The following ELL variants were observed in gnomAD, a reference collection of about 807,000 sequenced individuals.
ELL encodes elongation factor for RNA polymerase II, also known as RNA polymerase II elongation factor ELL.
In ELL, 18 loss-of-function variants were observed where a neutral mutation model predicts 64.0. The ratio of observed to expected loss-of-function variants is 0.28; its 90% CI spans 0.19 to 0.42. ELL has a LOEUF of 0.42. Ranked by LOEUF, ELL falls within the 10% of genes least tolerant of loss-of-function variation. ELL has a pLI of 1.00. For synonymous variants in ELL, 399 were observed against 376.2 expected (o/e 1.06, Z -0.70); for missense variants, 797 against 870.4 (o/e 0.92, Z 1.06).
At chr19:18,446,143 G>A in intron 10 of ELL, 166 bp downstream of exon 10, 1 of 896,186 alleles carries the variant, frequency 1.1e-6, no homozygotes, top group Non-Finnish European at 1.6e-6. Flanking sequence ...CCCAGGGCCG[G>A]GCCAGAACCA....
chr19:18,483,177 C>T (rs979260929), intron 1 of ELL, among the ~76,000 whole-genome samples: 2 of 152,142 alleles, frequency 1.3e-5, no homozygotes, highest in African/African-American at 2.4e-5. Flanking sequence ...CTGGGTAACT[C>T]CTGCCTACAC....
At chr19:18,485,919 G>C (rs1975403593) in intron 1 of ELL, among the ~76,000 whole-genome samples, 1 of 151,850 alleles carries the variant, frequency 6.6e-6, no homozygotes, top group South Asian at 2.1e-4. Flanking sequence ...CCAGGAGGCA[G>C]AGGTGGCAGT....
chr19:18,482,794 T>TTGTTGTTGTTGC (rs139501319), intron 1 of ELL, among the ~76,000 whole-genome samples: 93 of 150,062 alleles, frequency 6.2e-4, no homozygotes, highest in African/African-American at 1.4e-3. Context: ...GTTGTTGTTG[T>TTGTTGTTGTTGC]TGCTGCTGTT....
chr19:18,518,191 AAACAAC>A (rs755611079), intron 1 of ELL, among the ~76,000 whole-genome samples: 1 of 139,128 alleles, frequency 7.2e-6, no homozygotes, highest in African/African-American at 2.7e-5. Context: ...CTGTCTCAAA[AAACAAC>A]AACAACAACA....
intron 4 of ELL, among the ~76,000 whole-genome samples, chr19:18,462,350 T>TGTGTGTGTGG (rs1974843090): frequency 1.3e-5 from 1 of 75,324 alleles, no homozygotes; most frequent in Admixed American, 1.7e-4. Context: ...TGTGTGTGTG[T>TGTGTGTGTGG]GTGTGTGTGT....
At chr19:18,507,165 A>G (rs989426455) in intron 1 of ELL, among the ~76,000 whole-genome samples, 1 of 152,196 alleles carries the variant, frequency 6.6e-6, no homozygotes, top group African/African-American at 2.4e-5. Context: ...ATCCAACTCC[A>G]AAAATAGTGC....
At chr19:18,464,860 C>A (rs1415464669) in intron 4 of ELL, among the ~76,000 whole-genome samples, 1 of 152,196 alleles carries the variant, frequency 6.6e-6, no homozygotes, top group Non-Finnish European at 1.5e-5. Context: ...CTGCTGAAAC[C>A]GTTTCCAAGT....
In ELL at chr19:18,444,624, G is replaced by T; in HGVS notation, c.*128C>A. ...CCGCCAGGGCCAGACGTCTGCAGGG[G>T]CTGCCCTGAAAGCCGGCGGTGCTGG... On this transcript the variant is annotated 3_prime_UTR_variant, in exon 12 of 12. Transcript: ENST00000262809. The T allele has an allele frequency of 1.9e-6, 2 of 1,027,544 alleles. No individual in the cohort carries two copies. The highest frequency in any genetic ancestry group is 2.8e-6 in the Non-Finnish European group (2 of 715,030). The allele number at this position is 1,027,544 out of a possible 1,614,324, so 63.7% of individuals were successfully genotyped here.
At chr19:18,477,628 A>G (rs1431587595) in intron 1 of ELL, among the ~76,000 whole-genome samples, 4 of 152,194 alleles carry the variant, frequency 2.6e-5, no homozygotes, top group Non-Finnish European at 5.9e-5. Flanking sequence ...CAAAGTGCTG[A>G]GGGAGAAACA....
chr19:18,500,323 C>T (rs1975755074), intron 1 of ELL, among the ~76,000 whole-genome samples: 1 of 151,986 alleles, frequency 6.6e-6, no homozygotes, highest in South Asian at 2.1e-4. Flanking sequence ...TTCCTCACTC[C>T]TGAGACAGGT....
At chr19:18,466,157 C>T (rs1974931717) in intron 2 of ELL, among the ~76,000 whole-genome samples, 2 of 152,162 alleles carry the variant, frequency 1.3e-5, no homozygotes, top group South Asian at 2.1e-4. Flanking sequence ...GGCCAGGGGC[C>T]GTTTTCAGCA....
intron 2 of ELL, among the ~76,000 whole-genome samples, chr19:18,471,621 T>C (rs900110834): frequency 3.9e-5 from 6 of 152,212 alleles, no homozygotes; most frequent in East Asian, 3.8e-4. Flanking sequence ...TGAGCCAAGA[T>C]TGCACCACTG....
intron 10 of ELL, 156 bp from the exon 11 acceptor site, chr19:18,445,424 T>C: frequency 2.6e-6 from 2 of 769,692 alleles, no homozygotes; most frequent in Non-Finnish European, 2.2e-6. Context: ...ACAGCGGCTG[T>C]AGCTCCGGAG....
intron 1 of ELL, among the ~76,000 whole-genome samples, chr19:18,520,309 A>C (rs1473425527): frequency 1.3e-5 from 2 of 152,166 alleles, no homozygotes; most frequent in Non-Finnish European, 2.9e-5. Context: ...CTGCAGGACA[A>C]GTCAGAATCG....
At chr19:18,464,124 T>A (rs1055378811) in intron 4 of ELL, among the ~76,000 whole-genome samples, 7 of 152,188 alleles carry the variant, frequency 4.6e-5, no homozygotes, top group African/African-American at 1.7e-4. Context: ...ATCCCAGCAT[T>A]GTGGGAGGCC....
At chr19:18,461,148 C>T (rs1021784025) in intron 5 of ELL, among the ~76,000 whole-genome samples, 1 of 152,206 alleles carries the variant, frequency 6.6e-6, no homozygotes, top group Non-Finnish European at 1.5e-5. Context: ...GCCCCTCACC[C>T]GGAGGCGCAG....
chr19:18,515,043 C>A (rs964138861), intron 1 of ELL, among the ~76,000 whole-genome samples: 1 of 152,216 alleles, frequency 6.6e-6, no homozygotes, highest in African/African-American at 2.4e-5. Context: ...CGGCCTTGGC[C>A]GTGAGTCAAC....
chr19:18,521,856 G>C, intron 1 of ELL, 65 bp downstream of exon 1: 1 of 1,517,742 alleles, frequency 6.6e-7, no homozygotes, highest in Non-Finnish European at 8.8e-7. Context: ...CCTCAGTGAG[G>C]GGAGCGCGAG....
chr19:18,502,499 G>A (rs141539788), intron 1 of ELL, among the ~76,000 whole-genome samples: 1 of 152,310 alleles, frequency 6.6e-6, no homozygotes, highest in East Asian at 1.9e-4. Context: ...CCACCACCAG[G>A]GAAATCCTGC....
Sources: gnomAD v4.1 joint callset for allele counts (sites outside exome capture counted in the v4.1 genomes callset) on GRCh38, gnomAD v4.1.1 for gene constraint, MANE v1.5 for transcripts, NCBI Gene and HGNC (gene_info 2026-07-23, HGNC 2026-07-21) for gene names.